NRXN1: variants seen among roughly 807,000 people sequenced by gnomAD.
NRXN1 encodes the protein neurexin 1.
A neutral mutation model predicts 150.9 loss-of-function variants in NRXN1; 39 were observed. The ratio of observed to expected loss-of-function variants is 0.26; its 90% CI spans 0.20 to 0.34. The LOEUF (loss-of-function observed/expected upper bound fraction) is 0.34, where lower values mean the gene tolerates loss of function less well. Among genes scored for constraint, NRXN1 ranks in the 10% least tolerant of loss-of-function variants. The pLI, the probability that NRXN1 is intolerant of heterozygous loss-of-function variation, is 1.00. For synonymous variants in NRXN1, 924 were observed against 757.0 expected (o/e 1.22, Z -3.62); for missense variants, 1,815 against 1,949.9 (o/e 0.93, Z 1.30).
chr2:50,312,911 C>A, intron 17 of NRXN1: 1 of 425,420 alleles, frequency 2.4e-6, no homozygotes, highest in South Asian at 1.7e-5. Context: ...TTAGGGCATG[C>A]CACAGAATTC....
chr2:50,230,790 T>C (rs2064867890), intron 18 of NRXN1, among the ~76,000 whole-genome samples: 1 of 152,080 alleles, frequency 6.6e-6, no homozygotes, highest in Non-Finnish European at 1.5e-5. Context: ...GGGAAAAGGA[T>C]GAAGGTAGGA....
At chr2:50,812,590 A>C (rs909578161) in intron 5 of NRXN1, among the ~76,000 whole-genome samples, 5 of 152,006 alleles carry the variant, frequency 3.3e-5, no homozygotes, top group Admixed American at 6.6e-5. Flanking sequence ...ACTATAATTC[A>C]CAATTTAATT....
chr2:50,194,358 T>C (rs1402530481), intron 18 of NRXN1, among the ~76,000 whole-genome samples: 1 of 152,182 alleles, frequency 6.6e-6, no homozygotes, highest in African/African-American at 2.4e-5. Context: ...CTTAATGCTT[T>C]ACTATATTAT....
chr2:50,468,684 A>G (rs2104674549), intron 16 of NRXN1, among the ~76,000 whole-genome samples: 1 of 151,644 alleles, frequency 6.6e-6, no homozygotes, highest in Admixed American at 6.6e-5. Context: ...CTCTGCTTTC[A>G]AGTAAGGTAA....
chr2:50,293,035 C>A (rs1301268891), intron 17 of NRXN1, among the ~76,000 whole-genome samples: 1 of 152,134 alleles, frequency 6.6e-6, no homozygotes, highest in Non-Finnish European at 1.5e-5. Flanking sequence ...ACATACATAT[C>A]CATCCATTAT....
chr2:50,822,595 G>A (rs1331305971), intron 5 of NRXN1, among the ~76,000 whole-genome samples: 2 of 152,008 alleles, frequency 1.3e-5, no homozygotes, highest in East Asian at 1.9e-4. Context: ...AGAAAGTAAA[G>A]GACACACTCC....
chr2:50,874,842 T>C (rs1678331986), intron 5 of NRXN1, among the ~76,000 whole-genome samples: 2 of 151,856 alleles, frequency 1.3e-5, no homozygotes, highest in Admixed American at 1.3e-4. Flanking sequence ...CATATTTTTA[T>C]ATACTACGTT....
intron 17 of NRXN1, among the ~76,000 whole-genome samples, chr2:50,303,926 C>A (rs371072443): frequency 2.6e-5 from 4 of 151,664 alleles, no homozygotes; most frequent in African/African-American, 9.7e-5. Context: ...TCTTCTGTGG[C>A]AAAAAAATAT....
chr2:50,930,218 G>T (rs754969908), intron 2 of NRXN1, among the ~76,000 whole-genome samples: 1 of 151,882 alleles, frequency 6.6e-6, no homozygotes, highest in South Asian at 2.1e-4. Flanking sequence ...TTCACTGCTC[G>T]GGAATAAAAA....
At chr2:49,938,551 T>C (rs916727458) in intron 22 of NRXN1, among the ~76,000 whole-genome samples, 3 of 152,018 alleles carry the variant, frequency 2.0e-5, no homozygotes, top group African/African-American at 7.3e-5. Flanking sequence ...AGATATTTTA[T>C]TATTCAATGG....
At chr2:50,581,820 T>C (rs1010334435) in intron 8 of NRXN1, among the ~76,000 whole-genome samples, 1 of 152,148 alleles carries the variant, frequency 6.6e-6, no homozygotes, top group Non-Finnish European at 1.5e-5. Flanking sequence ...ATAAAGTAAC[T>C]GATTTATCCA....
Position 50,346,554 on chromosome 2 carries a change from C to A in NRXN1, c.3365-109584G>T. The A allele has an allele frequency of 1.1e-6, 1 of 902,636 alleles. No homozygotes were observed. The highest frequency in any genetic ancestry group is 1.8e-6 in the Non-Finnish European group (1 of 569,362). 55.9% of individuals were successfully genotyped at this position (902,636 alleles called of 1,614,324 possible). ...ATTGTCTTCAAAGAGATAAGTGGCTCGCACCAAGCACACCCAAATGCACCT... is the reference window on the plus strand; with the variant it reads ...ATTGTCTTCAAAGAGATAAGTGGCTAGCACCAAGCACACCCAAATGCACCT... On this transcript the variant is annotated intron_variant, in intron 17 of 22. Coordinates refer to ENST00000401669, the MANE Select transcript of NRXN1 (RefSeq NM_001330078.2). This position sits in a 1 kb window ranked among gnomAD's most constrained non-coding sequence, Gnocchi z 5.0.
chr2:50,928,932 C>T (rs7578780), intron 2 of NRXN1, among the ~76,000 whole-genome samples: 10 of 151,908 alleles, frequency 6.6e-5, no homozygotes, highest in Non-Finnish European at 1.0e-4. Context: ...GCTTTCTTTT[C>T]ATTGGAAAAA....
intron 8 of NRXN1, among the ~76,000 whole-genome samples, chr2:50,577,900 CT>C (rs1167902939): frequency 1.3e-5 from 2 of 152,096 alleles, no homozygotes; most frequent in Non-Finnish European, 2.9e-5. Context: ...ATAATGTCAT[CT>C]AATTATCTTT....
At chr2:50,414,816 T>A (rs906302236) in intron 17 of NRXN1, among the ~76,000 whole-genome samples, 1 of 152,162 alleles carries the variant, frequency 6.6e-6, no homozygotes, top group Non-Finnish European at 1.5e-5. Flanking sequence ...TTTTGTCATA[T>A]GAACGTTCGT....
chr2:50,906,496 T>C (rs1683691333), intron 5 of NRXN1, among the ~76,000 whole-genome samples: 1 of 152,168 alleles, frequency 6.6e-6, no homozygotes, highest in Non-Finnish European at 1.5e-5. Flanking sequence ...AGGAAAATAG[T>C]GTAAGCTTCT....
At chr2:50,841,935 T>C (rs1672939682) in intron 5 of NRXN1, among the ~76,000 whole-genome samples, 1 of 152,196 alleles carries the variant, frequency 6.6e-6, no homozygotes, top group East Asian at 1.9e-4. Flanking sequence ...ACAAAGTCTG[T>C]GTATGCATTG....
At chr2:51,010,863 C>G (rs1165438576) in intron 2 of NRXN1, among the ~76,000 whole-genome samples, 4 of 151,700 alleles carry the variant, frequency 2.6e-5, no homozygotes, top group Non-Finnish European at 5.9e-5. Context: ...CAGTTCACTG[C>G]AACCTCTAAC....
intron 17 of NRXN1, among the ~76,000 whole-genome samples, chr2:50,423,436 T>A (rs1252290384): frequency 3.9e-5 from 6 of 152,158 alleles, no homozygotes; most frequent in Non-Finnish European, 8.8e-5. Flanking sequence ...TTTGGCTTTG[T>A]GTCCTCAATG....
Sources: gnomAD v4.1 joint callset for allele counts (sites outside exome capture counted in the v4.1 genomes callset) on GRCh38, gnomAD v4.1.1 for gene constraint, Gnocchi (gnomAD v3.1) non-coding constraint, MANE v1.5 for transcripts, NCBI Gene and HGNC (gene_info 2026-07-23, HGNC 2026-07-21) for gene names.